The following CSMD1 variants were observed in gnomAD, a reference collection of about 807,000 sequenced individuals.
CSMD1 encodes the protein CUB and sushi domain-containing protein 1.
CSMD1 carries 213 observed loss-of-function variants against 417.5 expected under a neutral mutation model. The observed-to-expected ratio is 0.51, with a 90% CI of 0.46 to 0.57. CSMD1 has a LOEUF of 0.57. Among genes scored for constraint, CSMD1 ranks in the 20% least tolerant of loss-of-function variants. CSMD1 has a pLI of 0.00. For missense variants in CSMD1, 6,923 were observed against 4,529.7 expected, an observed-to-expected ratio of 1.53 and a Z score of -15.17; for synonymous variants, 2,862 against 1,736.8, an observed-to-expected ratio of 1.65 and a Z score of -16.11.
intron 5 of CSMD1, among the ~76,000 whole-genome samples, chr8:3,877,437 T>C (rs912305223): frequency 6.6e-6 from 1 of 152,174 alleles, no homozygotes; most frequent in Non-Finnish European, 1.5e-5. Flanking sequence ...GCGTTCCAGA[T>C]GAATTCTCTT....
At chr8:3,356,383 A>T (rs1290890113) in intron 21 of CSMD1, among the ~76,000 whole-genome samples, 2 of 152,234 alleles carry the variant, frequency 1.3e-5, no homozygotes, top group African/African-American at 4.8e-5. Flanking sequence ...CAAAGAGATG[A>T]AGACAACTTG....
intron 25 of CSMD1, among the ~76,000 whole-genome samples, chr8:3,299,674 G>C (rs553065209): frequency 6.6e-6 from 1 of 152,164 alleles, no homozygotes; most frequent in Non-Finnish European, 1.5e-5. Context: ...AGGGAAAGGA[G>C]AGAACCGGAA....
At chr8:3,792,729 A>C (rs896469203) in intron 5 of CSMD1, among the ~76,000 whole-genome samples, 1 of 152,200 alleles carries the variant, frequency 6.6e-6, no homozygotes, top group Non-Finnish European at 1.5e-5. Context: ...AAAGAGTTTC[A>C]ACCAGAATGC....
chr8:4,157,410 A>G (rs1187621420), intron 3 of CSMD1, among the ~76,000 whole-genome samples: 2 of 152,084 alleles, frequency 1.3e-5, no homozygotes, highest in Admixed American at 6.5e-5. Flanking sequence ...AAAATTTTCT[A>G]TTTTCGTCCT....
chr8:3,555,106 G>T (rs760848051), intron 10 of CSMD1, among the ~76,000 whole-genome samples: 3 of 152,060 alleles, frequency 2.0e-5, no homozygotes, highest in Non-Finnish European at 2.9e-5. Flanking sequence ...ACCCGTGACA[G>T]GCAAACCCTG....
intron 12 of CSMD1, among the ~76,000 whole-genome samples, chr8:3,420,699 G>A (rs920491337): frequency 2.6e-5 from 4 of 152,044 alleles, no homozygotes. Context: ...AAACTTTTGG[G>A]TCTTAATACC....
At chr8:3,734,125 A>G (rs1273286481) in intron 6 of CSMD1, among the ~76,000 whole-genome samples, 1 of 152,210 alleles carries the variant, frequency 6.6e-6, no homozygotes. Flanking sequence ...AATACTTAAT[A>G]AAGATATTTA....
intron 5 of CSMD1, among the ~76,000 whole-genome samples, chr8:3,972,002 G>T (rs1005929116): frequency 2.0e-5 from 3 of 151,904 alleles, no homozygotes; most frequent in African/African-American, 7.3e-5. Flanking sequence ...GACCTCCCAG[G>T]CTCAAGTAAT....
At chr8:4,641,264 G>A (rs1803172876) in intron 1 of CSMD1, among the ~76,000 whole-genome samples, 1 of 151,936 alleles carries the variant, frequency 6.6e-6, no homozygotes, top group Non-Finnish European at 1.5e-5. Context: ...TAGGCAACTG[G>A]AATCTAAATC....
intron 4 of CSMD1, among the ~76,000 whole-genome samples, chr8:4,006,633 G>C (rs1037753719): frequency 6.6e-6 from 1 of 152,172 alleles, no homozygotes; most frequent in African/African-American, 2.4e-5. Context: ...CCATAGGTAA[G>C]CAAGAGAGGG....
rs113495446 is a variant in CSMD1 at position 4,532,411 on chromosome 8, C to T, written c.302+104931G>A. Among the ~76,000 whole-genome samples the T allele has an allele frequency of 9.9e-4, 140 of 140,736 alleles. 1 individual carries two copies. Among genetic ancestry groups the T allele is most frequent in the African/African-American group, 3.2e-3 (119 of 37,294 alleles). The allele number at this position is 140,736 out of a possible 152,430, so 92.3% of individuals were successfully genotyped here. A position where few individuals can be genotyped will look rare whatever the true frequency, so the allele number is the denominator to read the frequency against. On this transcript the variant is annotated intron_variant, in intron 2 of 69. Coordinates refer to ENST00000635120, the MANE Select transcript of CSMD1 (RefSeq NM_033225.6). ...ATCCTGCACCCCCATTCAGTCACTCCGGAAAATAAATCCTGCACCTTCATT... is the reference window on the plus strand; with the variant it reads ...ATCCTGCACCCCCATTCAGTCACTCTGGAAAATAAATCCTGCACCTTCATT...
intron 2 of CSMD1, among the ~76,000 whole-genome samples, chr8:4,550,223 A>G (rs1797810268): frequency 1.3e-5 from 2 of 151,794 alleles, no homozygotes; most frequent in Admixed American, 6.6e-5. Context: ...TTGAAAGCAC[A>G]TTTCTCAGCC....
At chr8:4,604,257 G>C (rs2130772814) in intron 2 of CSMD1, among the ~76,000 whole-genome samples, 1 of 151,628 alleles carries the variant, frequency 6.6e-6, no homozygotes, top group South Asian at 2.1e-4. Flanking sequence ...TTCATAAATA[G>C]TACAAATAAA....
intron 2 of CSMD1, among the ~76,000 whole-genome samples, chr8:4,630,146 C>T (rs752141781): frequency 1.2e-4 from 18 of 152,130 alleles, no homozygotes; most frequent in Non-Finnish European, 2.1e-4. Context: ...CCTGTCAAAA[C>T]TTCCTCATAG....
intron 5 of CSMD1, among the ~76,000 whole-genome samples, chr8:3,881,785 A>T (rs1275842367): frequency 6.6e-6 from 1 of 152,172 alleles, no homozygotes; most frequent in African/African-American, 2.4e-5. Context: ...TGGTCGATGC[A>T]AGGAAAGACA....
intron 23 of CSMD1, among the ~76,000 whole-genome samples, chr8:3,329,290 G>T (rs947339294): frequency 1.3e-5 from 2 of 152,100 alleles, no homozygotes; most frequent in African/African-American, 4.8e-5. Flanking sequence ...AGCAAGCAAA[G>T]GGGACTCTGG....
intron 18 of CSMD1, among the ~76,000 whole-genome samples, chr8:3,383,703 C>G (rs911085850): frequency 6.7e-6 from 1 of 149,890 alleles, no homozygotes; most frequent in South Asian, 2.1e-4. Flanking sequence ...TTACACAACA[C>G]CTATAATTCA....
chr8:3,088,843 TAAA>T (rs5888943), intron 48 of CSMD1, among the ~76,000 whole-genome samples: 3 of 114,074 alleles, frequency 2.6e-5, no homozygotes, highest in Admixed American at 9.4e-5. Flanking sequence ...ACTGTGCTAG[TAAA>T]AAAAAAAAAA....
intron 7 of CSMD1, among the ~76,000 whole-genome samples, chr8:3,670,553 A>ATATAT (rs1798943493): frequency 1.7e-5 from 2 of 116,192 alleles, no homozygotes; most frequent in East Asian, 4.6e-4. Context: ...TATATCCCAT[A>ATATAT]TATATATGCG....
Sources: gnomAD v4.1 joint callset for allele counts (sites outside exome capture counted in the v4.1 genomes callset) on GRCh38, gnomAD v4.1.1 for gene constraint, MANE v1.5 for transcripts, NCBI Gene and HGNC (gene_info 2026-07-23, HGNC 2026-07-21) for gene names.